ESRRG: variants seen among roughly 807,000 people sequenced by gnomAD.
The protein encoded by ESRRG is estrogen-related receptor gamma.
ESRRG carries 13 observed loss-of-function variants against 44.0 expected under a neutral mutation model. That is an observed-to-expected ratio of 0.30 (90% CI 0.19 to 0.47). The LOEUF (loss-of-function observed/expected upper bound fraction) is 0.47. ESRRG is among the 20% of genes least tolerant of loss of function. The pLI, the probability that ESRRG is intolerant of heterozygous loss-of-function variation, is 1.00. For synonymous variants in ESRRG, 215 were observed against 214.6 expected (o/e 1.00, Z -0.02); for missense variants, 395 against 580.6 (o/e 0.68, Z 3.29).
At chr1:216,686,111 T>C (rs1306444179) in intron 1 of ESRRG, 1 of 152,190 alleles carries the variant, frequency 6.6e-6, no homozygotes, top group Non-Finnish European at 1.5e-5. Context: ...GTAGTTAACA[T>C]CTGGATGTAA....
chr1:216,747,559 T>A (rs1367675787), intron 2 of ESRRG, among the ~76,000 whole-genome samples: 1 of 152,196 alleles, frequency 6.6e-6, no homozygotes, highest in Non-Finnish European at 1.5e-5. Flanking sequence ...GTAGAGCAAC[T>A]GGGTATATGG....
chr1:217,106,294 G>A (rs1410299174), intron 1 of ESRRG, among the ~76,000 whole-genome samples: 2 of 151,752 alleles, frequency 1.3e-5, no homozygotes, highest in African/African-American at 4.8e-5. Flanking sequence ...CATGAATGAA[G>A]GTCAGACCTC....
intron 1 of ESRRG, among the ~76,000 whole-genome samples, chr1:216,957,726 G>A (rs746120602): frequency 6.6e-5 from 10 of 152,108 alleles, no homozygotes; most frequent in Non-Finnish European, 1.3e-4. Context: ...GGCCTCTTCA[G>A]TCTATTCTCT....
chr1:216,750,246 T>C (rs1441685645), intron 2 of ESRRG, among the ~76,000 whole-genome samples: 1 of 152,130 alleles, frequency 6.6e-6, no homozygotes, highest in East Asian at 1.9e-4. Flanking sequence ...CTGGCAGACA[T>C]CGCCTCGGAG....
intron 1 of ESRRG, among the ~76,000 whole-genome samples, chr1:217,067,341 C>T (rs1025162935): frequency 2.0e-5 from 3 of 152,146 alleles, no homozygotes; most frequent in East Asian, 1.9e-4. Context: ...AGAGTCAACT[C>T]GAATGTACAA....
At chr1:216,936,412 G>C (rs528877244) in intron 2 of ESRRG, among the ~76,000 whole-genome samples, 2 of 152,084 alleles carry the variant, frequency 1.3e-5, no homozygotes. Flanking sequence ...AGAATACAGT[G>C]GTTGATGACT....
intron 2 of ESRRG, among the ~76,000 whole-genome samples, chr1:216,834,088 A>G (rs1205186986): frequency 6.6e-6 from 1 of 152,174 alleles, no homozygotes; most frequent in Non-Finnish European, 1.5e-5. Flanking sequence ...TAAAGTTGAA[A>G]GAGAAAGAGC....
chr1:216,924,109 A>G (rs1394159973), intron 2 of ESRRG, among the ~76,000 whole-genome samples: 3 of 152,174 alleles, frequency 2.0e-5, no homozygotes, highest in Admixed American at 2.0e-4. Flanking sequence ...CCAGAAATGA[A>G]GGGCAGGGGG....
At chr1:217,092,253 A>G (rs2092359818), upstream of ESRRG, among the ~76,000 whole-genome samples, 1 of 152,216 alleles carries the variant, frequency 6.6e-6, no homozygotes. Flanking sequence ...TATAATAGTT[A>G]ATATTGTTGG....
chr1:217,006,174 C>T (rs548785274), intron 1 of ESRRG, among the ~76,000 whole-genome samples: 1 of 152,134 alleles, frequency 6.6e-6, no homozygotes, highest in Admixed American at 6.6e-5. Flanking sequence ...TAAACATACA[C>T]TCAATGTTCA....
intron 1 of ESRRG, among the ~76,000 whole-genome samples, chr1:217,012,796 C>T (rs1003630311): frequency 6.6e-6 from 1 of 151,966 alleles, no homozygotes; most frequent in Non-Finnish European, 1.5e-5. Context: ...TGTATTATAT[C>T]CTCAGGATTT....
chr1:217,002,133 C>T (rs2077104742), intron 1 of ESRRG, among the ~76,000 whole-genome samples: 1 of 151,758 alleles, frequency 6.6e-6, no homozygotes, highest in Admixed American at 6.6e-5. Flanking sequence ...GAAACCCCAT[C>T]TCTACTAAAA....
intron 2 of ESRRG, among the ~76,000 whole-genome samples, chr1:216,909,004 T>A (rs890677482): frequency 6.6e-6 from 1 of 152,006 alleles, no homozygotes; most frequent in Non-Finnish European, 1.5e-5. Context: ...TTGCTACTGG[T>A]CATTTCAGGC....
intron 3 of ESRRG, among the ~76,000 whole-genome samples, chr1:216,632,843 G>C (rs1357435817): frequency 3.9e-5 from 6 of 152,082 alleles, no homozygotes; most frequent in Admixed American, 6.5e-5. Flanking sequence ...CAATAAATTT[G>C]ACTGATTTTA....
intron 2 of ESRRG, among the ~76,000 whole-genome samples, chr1:216,836,939 TACAA>T (rs1343372164): frequency 6.6e-6 from 1 of 152,032 alleles, no homozygotes; most frequent in Non-Finnish European, 1.5e-5. Context: ...CATACATGTG[TACAA>T]ACAAAAACAC....
chr1:216,600,560 C>T (rs1033723610), intron 3 of ESRRG, among the ~76,000 whole-genome samples: 3 of 152,146 alleles, frequency 2.0e-5, no homozygotes, highest in African/African-American at 4.8e-5. Context: ...ACATGTGCAG[C>T]TTGTTCCATG....
rs116393648 is a variant in ESRRG at position 216,728,904 on chromosome 1, T to C, written c.-13-51413A>G. Among the ~76,000 whole-genome samples the C allele has an allele frequency of 8.4e-3, 1,286 of 152,272 alleles. 19 individuals carry two copies. The highest frequency in any genetic ancestry group is 0.026 in the African/African-American group (1,083 of 41,558). On this transcript the variant is annotated intron_variant, in intron 2 of 7. Coordinates refer to the ESRRG transcript ENST00000359162. ...TCTGACACACTTCTAAGATTTCTTT[T>C]TATAAATGACTATGTTTGATAAGAG... is the stretch of plus-strand genomic sequence containing the variant.
intron 2 of ESRRG, among the ~76,000 whole-genome samples, chr1:216,917,753 T>C (rs1374999886): frequency 6.6e-6 from 1 of 152,216 alleles, no homozygotes; most frequent in Non-Finnish European, 1.5e-5. Context: ...TGGTACTCAC[T>C]GTCTCCAACC....
intron 2 of ESRRG, among the ~76,000 whole-genome samples, chr1:216,815,872 G>A (rs1189196958): frequency 6.6e-6 from 1 of 152,120 alleles, no homozygotes; most frequent in Non-Finnish European, 1.5e-5. Flanking sequence ...GTTCATCCAG[G>A]GGTCTATTGG....
Sources: allele counts gnomAD v4.1 joint callset (sites outside exome capture counted in the v4.1 genomes callset), GRCh38; gene constraint gnomAD v4.1.1; transcripts MANE v1.5; gene names NCBI Gene and HGNC (gene_info 2026-07-23, HGNC 2026-07-21).